Variants in FHIT observed in about 807,000 individuals in gnomAD.
FHIT encodes fragile histidine triad diadenosine triphosphatase.
A neutral mutation model predicts 17.9 loss-of-function variants in FHIT; 19 were observed. The ratio of observed to expected loss-of-function variants is 1.06; its 90% CI spans 0.74 to 1.56. The LOEUF (loss-of-function observed/expected upper bound fraction) is 1.56, where lower values mean the gene tolerates loss of function less well. Ranked by LOEUF, FHIT falls within the 40% of genes most tolerant of loss-of-function variation. The pLI is 0.00. For missense variants in FHIT, 248 were observed against 189.2 expected (o/e 1.31, Z -1.82); for synonymous variants, 81 against 69.7 (o/e 1.16, Z -0.81).
chr3:60,650,923 T>A (rs1442849896), intron 4 of FHIT, among the ~76,000 whole-genome samples: 2 of 152,194 alleles, frequency 1.3e-5, no homozygotes, highest in Non-Finnish European at 2.9e-5. Context: ...GTTAAAATGT[T>A]AGTATAGTTC....
chr3:60,081,839 A>G (rs536490349), intron 5 of FHIT, among the ~76,000 whole-genome samples: 3 of 152,208 alleles, frequency 2.0e-5, no homozygotes, highest in South Asian at 2.1e-4. Flanking sequence ...TTTCTTTTTC[A>G]GTTACTTGAA....
chr3:61,205,735 T>C (rs1023022514), intron 1 of FHIT, among the ~76,000 whole-genome samples: 5 of 152,142 alleles, frequency 3.3e-5, no homozygotes, highest in African/African-American at 9.7e-5. Context: ...GTCAGATGAG[T>C]AGATTGCAAA....
chr3:60,111,891 CTT>C (rs1291929113), intron 5 of FHIT, among the ~76,000 whole-genome samples: 2 of 152,202 alleles, frequency 1.3e-5, no homozygotes, highest in African/African-American at 2.4e-5. Context: ...ACATCCAACT[CTT>C]TGCCTGAAAC....
At chr3:60,902,656 C>A (rs541380099) in intron 3 of FHIT, among the ~76,000 whole-genome samples, 1 of 152,132 alleles carries the variant, frequency 6.6e-6, no homozygotes, top group Non-Finnish European at 1.5e-5. Context: ...GCTATTGCAC[C>A]ACCACAAGGG....
In FHIT at chr3:60,782,233, G is replaced by GTATATATATATA. The variant is rs775581148; in HGVS notation, c.-18+39685_-18+39686insTATATATATATA. 6.8e-5 allele frequency among the ~76,000 whole-genome samples: 9 copies of GTATATATATATA among 133,140 alleles called. No homozygotes were observed. In the South Asian group the frequency reaches 9.3e-4, roughly 14 times the overall value. The allele number at this position is 133,140 out of a possible 152,430, so 87.3% of individuals were successfully genotyped here. A position where few individuals can be genotyped will look rare whatever the true frequency, so the allele number is the denominator to read the frequency against. On this transcript the variant is annotated intron_variant, in intron 4 of 9. Transcript: ENST00000492590. ...AGAATATTTCATTGTGTGTGTGTGT[G>GTATATATATATA]TGTGTATATATATATATATATCACA...
At chr3:60,042,416 C>A (rs1369333912) in intron 5 of FHIT, among the ~76,000 whole-genome samples, 1 of 152,116 alleles carries the variant, frequency 6.6e-6, no homozygotes, top group Non-Finnish European at 1.5e-5. Flanking sequence ...CATGTACGAT[C>A]CCACAGTTCT....
chr3:60,944,205 C>T (rs1708545404), intron 3 of FHIT, among the ~76,000 whole-genome samples: 1 of 152,324 alleles, frequency 6.6e-6, no homozygotes, highest in African/African-American at 2.4e-5. Context: ...GGCACAGTAT[C>T]ATAGCTCCAA....
At chr3:59,797,320 C>G (rs1056464504) in intron 8 of FHIT, among the ~76,000 whole-genome samples, 1 of 151,882 alleles carries the variant, frequency 6.6e-6, no homozygotes, top group South Asian at 2.1e-4. Flanking sequence ...CCAAATAGCT[C>G]AGATTACGAG....
At chr3:59,829,765 A>C (rs1345295604) in intron 8 of FHIT, among the ~76,000 whole-genome samples, 1 of 152,294 alleles carries the variant, frequency 6.6e-6, no homozygotes, top group South Asian at 2.1e-4. Flanking sequence ...ATTCTGTCTC[A>C]GTGATACAGA....
At chr3:60,052,863 T>C (rs958437266) in intron 5 of FHIT, among the ~76,000 whole-genome samples, 1 of 151,164 alleles carries the variant, frequency 6.6e-6, no homozygotes, top group African/African-American at 2.4e-5. Flanking sequence ...CGCGTAATAT[T>C]TGCAATGTAA....
intron 4 of FHIT, among the ~76,000 whole-genome samples, chr3:60,644,365 T>C (rs547966480): frequency 9.2e-5 from 14 of 152,328 alleles, no homozygotes; most frequent in African/African-American, 2.6e-4. Flanking sequence ...CCGTGAAATA[T>C]TGAAAATTTG....
chr3:59,777,371 C>T (rs1702375793), intron 8 of FHIT, among the ~76,000 whole-genome samples: 1 of 151,070 alleles, frequency 6.6e-6, no homozygotes, highest in Non-Finnish European at 1.5e-5. Context: ...ATTTATCACC[C>T]AAAGATAAAA....
intron 5 of FHIT, among the ~76,000 whole-genome samples, chr3:60,475,263 C>A (rs529682259): frequency 6.6e-6 from 1 of 152,228 alleles, no homozygotes; most frequent in East Asian, 1.9e-4. Flanking sequence ...GGAGACAAAG[C>A]AAAGGTTAGG....
At chr3:60,427,657 C>T (rs1476609558) in intron 5 of FHIT, among the ~76,000 whole-genome samples, 3 of 152,120 alleles carry the variant, frequency 2.0e-5, no homozygotes, top group Admixed American at 1.3e-4. Flanking sequence ...TCTTTCTCAA[C>T]ACTCTCCAAA....
intron 5 of FHIT, among the ~76,000 whole-genome samples, chr3:60,037,449 C>T (rs1701265740): frequency 6.8e-6 from 1 of 147,494 alleles, no homozygotes; most frequent in African/African-American, 2.5e-5. Flanking sequence ...GTGGCGAAAT[C>T]TTGGCTCACT....
At chr3:61,051,584 A>G (rs2106653148) in intron 2 of FHIT, among the ~76,000 whole-genome samples, 1 of 152,288 alleles carries the variant, frequency 6.6e-6, no homozygotes, top group South Asian at 2.1e-4. Flanking sequence ...CTCACTGGCT[A>G]AAATACTTCC....
At chr3:60,355,908 C>T (rs1212522457) in intron 5 of FHIT, among the ~76,000 whole-genome samples, 4 of 152,034 alleles carry the variant, frequency 2.6e-5, no homozygotes, top group Non-Finnish European at 5.9e-5. Flanking sequence ...ATCTTTGTCT[C>T]CTTATGATGA....
intron 4 of FHIT, among the ~76,000 whole-genome samples, chr3:60,723,592 A>G (rs532223575): frequency 3.3e-4 from 51 of 152,338 alleles, no homozygotes; most frequent in Middle Eastern, 3.4e-3. Flanking sequence ...TAAGGAACTA[A>G]GAGCATCCTG....
In FHIT at chr3:61,215,194, A is replaced by G. The variant is rs545519099; in HGVS notation, c.-212-14529T>C. ...AGGAGAAGGAAATAAAGGGCATTCA[A>G]TTAGGAAAAGAGGAAGTGGACAAAT... On this transcript the variant is annotated intron_variant, in intron 1 of 9. Coordinates refer to ENST00000492590, the MANE Select transcript of FHIT (RefSeq NM_002012.4). Among the ~76,000 whole-genome samples the G allele has an allele frequency of 1.1e-4, 16 of 152,234 alleles. 1 individual carries two copies. The South Asian group carries it at 2.7e-3, about 26-fold the overall frequency.
Sources: gnomAD v4.1 joint callset for allele counts (sites outside exome capture counted in the v4.1 genomes callset) on GRCh38, gnomAD v4.1.1 for gene constraint, MANE v1.5 for transcripts, NCBI Gene and HGNC (gene_info 2026-07-23, HGNC 2026-07-21) for gene names.